NCR1: variants seen among roughly 807,000 people sequenced by gnomAD.
The protein encoded by NCR1 is NK cell-activating receptor.
NCR1 carries 30 observed loss-of-function variants against 32.5 expected under a neutral mutation model. The observed-to-expected ratio is 0.92, with a 90% CI of 0.69 to 1.25. The LOEUF (loss-of-function observed/expected upper bound fraction) is 1.25. Ranked by LOEUF, NCR1 falls within the 50% of genes most tolerant of loss-of-function variation. The probability of loss-of-function intolerance (pLI) is 0.00; values close to 1 mark genes in which losing one functional copy is unlikely to be tolerated. For synonymous variants in NCR1, 169 were observed against 143.4 expected, an observed-to-expected ratio of 1.18 and a Z score of -1.28; for missense variants, 369 against 380.7, an observed-to-expected ratio of 0.97 and a Z score of 0.26.
chr19:54,917,311 C>CAA (rs113522104), downstream of NCR1, among the ~76,000 whole-genome samples: 1,695 of 146,898 alleles, frequency 0.012, 40 homozygotes, highest in African/African-American at 0.04. Flanking sequence ...TGTGACTCCT[C>CAA]AAAAAAAAAC....
the NCR1 span, chr19:54,927,586 CAAAACAAAAA>C: frequency 6.2e-7 from 1 of 1,612,586 alleles, no homozygotes; most frequent in Non-Finnish European, 8.5e-7. Flanking sequence ...CAAAACAAAA[CAAAACAAAAA>C]ACCCATACCT....
At chr19:54,933,806 T>C in the NCR1 span, 347,441 of 1,354,554 alleles carry the variant, frequency 0.26, 47,101 homozygotes, top group Non-Finnish European at 0.28. Context: ...TGCTCAGTGA[T>C]GTCCACATGC....
At chr19:54,919,717 C>CCCCA (rs1556721775), downstream of NCR1, among the ~76,000 whole-genome samples, 2 of 143,060 alleles carry the variant, frequency 1.4e-5, no homozygotes, top group Non-Finnish European at 3.0e-5. Flanking sequence ...AAGGGAGACC[C>CCCCA]CCCCCCCCAC....
chr19:54,898,421 G>A, the NCR1 span, among the ~76,000 whole-genome samples: 1 of 152,176 alleles, frequency 6.6e-6, no homozygotes, highest in Non-Finnish European at 1.5e-5. Context: ...TCGTGTGCTG[G>A]AGATGTGGCT....
the NCR1 span, chr19:54,927,650 A>G: frequency 1.9e-6 from 3 of 1,614,150 alleles, no homozygotes; most frequent in Admixed American, 5.0e-5. Context: ...AACCCCAAAG[A>G]GCTTAATTAT....
chr19:54,926,094 G>A, the NCR1 span, among the ~76,000 whole-genome samples: 1 of 151,944 alleles, frequency 6.6e-6, no homozygotes, highest in Non-Finnish European at 1.5e-5. Flanking sequence ...ATAAGTCATT[G>A]AAAAGATATA....
downstream of NCR1, among the ~76,000 whole-genome samples, chr19:54,914,725 G>A (rs117764680): frequency 0.015 from 2,166 of 148,968 alleles, 69 homozygotes; most frequent in East Asian, 0.088. Flanking sequence ...CCACAACTCC[G>A]ACTTCACAAA....
the NCR1 span, chr19:54,927,900 T>C: frequency 1.2e-6 from 1 of 818,464 alleles, no homozygotes; most frequent in Admixed American, 1.8e-5. Context: ...GAGACCAGCC[T>C]TGCCAACACG....
At chr19:54,935,163 A>T in the NCR1 span, among the ~76,000 whole-genome samples, 1 of 152,054 alleles carries the variant, frequency 6.6e-6, no homozygotes, top group Non-Finnish European at 1.5e-5. Flanking sequence ...CTTCTCCAAG[A>T]GATTGTAATA....
chr19:54,910,884 CAT>C (rs2067937173), intron 5 of NCR1, among the ~76,000 whole-genome samples: 1 of 152,154 alleles, frequency 6.6e-6, no homozygotes, highest in Non-Finnish European at 1.5e-5. Flanking sequence ...TTGAGTTAAT[CAT>C]GTGGCTGTCA....
chr19:54,919,205 TAA>T (rs1381294351), downstream of NCR1, among the ~76,000 whole-genome samples: 1 of 150,860 alleles, frequency 6.6e-6, no homozygotes, highest in Non-Finnish European at 1.5e-5. Flanking sequence ...AGTGTAGAAA[TAA>T]AGACACAAGA....
the NCR1 span, among the ~76,000 whole-genome samples, chr19:54,933,981 CGCCCAG>C: frequency 6.6e-6 from 1 of 152,140 alleles, no homozygotes; most frequent in Non-Finnish European, 1.5e-5. Context: ...CTCGCTCTGT[CGCCCAG>C]GCTGGAGTGC....
At chr19:54,906,356 C>T in intron 2 of NCR1, 22 bp downstream of exon 2, 1 of 1,612,472 alleles carries the variant, frequency 6.2e-7, no homozygotes, top group Non-Finnish European at 8.5e-7. Flanking sequence ...CTTCAAAGCC[C>T]AGGGTCACTC....
At chr19:54,901,123 GAAAA>G in the NCR1 span, among the ~76,000 whole-genome samples, 2 of 101,568 alleles carry the variant, frequency 2.0e-5, no homozygotes, top group Non-Finnish European at 3.7e-5. Context: ...TCTCTACTTT[GAAAA>G]AAAAAAAAAA....
intron 5 of NCR1, among the ~76,000 whole-genome samples, chr19:54,911,349 A>G (rs993069060): frequency 7.4e-6 from 1 of 135,122 alleles, no homozygotes; most frequent in African/African-American, 2.6e-5. Flanking sequence ...ACTCCGTCTC[A>G]AAAAAAAAGA....
the NCR1 span, chr19:54,933,751 T>G: frequency 3.7e-6 from 6 of 1,612,068 alleles, no homozygotes; most frequent in Admixed American, 1.0e-4. Flanking sequence ...TGCAAAAATA[T>G]GAAACAAATG....
At chr19:54,924,885 C>T in the NCR1 span, among the ~76,000 whole-genome samples, 1 of 152,144 alleles carries the variant, frequency 6.6e-6, no homozygotes, top group East Asian at 1.9e-4. Context: ...TGCAGTGAGC[C>T]AATACCGCAC....
upstream of NCR1, among the ~76,000 whole-genome samples, chr19:54,901,360 CAAAAAAAAAAAAAAA>C (rs80189325): frequency 2.2e-4 from 20 of 91,186 alleles, no homozygotes; most frequent in East Asian, 6.2e-3. Context: ...GAGTCCATCT[CAAAAAAAAAAAAAAA>C]AAAAAAAAAG....
At chr19:54,925,320 T>A in the NCR1 span, among the ~76,000 whole-genome samples, 1 of 152,176 alleles carries the variant, frequency 6.6e-6, no homozygotes, top group East Asian at 1.9e-4. Flanking sequence ...AGCTCAAGTT[T>A]CATGATATAC....
Sources: allele counts gnomAD v4.1 joint callset (sites outside exome capture counted in the v4.1 genomes callset), GRCh38; gene constraint gnomAD v4.1.1; transcripts MANE v1.5; gene names NCBI Gene and HGNC (gene_info 2026-07-23, HGNC 2026-07-21).